The following DPYSL2 variants were observed in gnomAD, a reference collection of about 807,000 sequenced individuals.
DPYSL2 encodes dihydropyrimidinase like 2, also known as dihydropyrimidinase-related protein 2.
In DPYSL2, 13 loss-of-function variants were observed where a neutral mutation model predicts 69.9. The observed-to-expected ratio is 0.19, with a 90% confidence interval of 0.12 to 0.30. The LOEUF (loss-of-function observed/expected upper bound fraction) is 0.30, where lower values mean the gene tolerates loss of function less well. Ranked by LOEUF, DPYSL2 falls within the 10% of genes least tolerant of loss-of-function variation. The pLI is 1.00. For missense variants in DPYSL2, 587 were observed against 918.9 expected, an observed-to-expected ratio of 0.64 and a Z score of 4.67; for synonymous variants, 326 against 359.1, an observed-to-expected ratio of 0.91 and a Z score of 1.04.
rs1802448556 is a variant in DPYSL2, at chr8:26,620,155, T to C, written c.629-3988T>C. 1 of 152,072 alleles carries C rather than the reference T, an allele frequency of 6.6e-6. No homozygotes were observed. The highest frequency in any genetic ancestry group is 2.4e-5 in the African/African-American group (1 of 41,332). The allele number at this position is 152,072 out of a possible 1,614,324, so 9.4% of individuals were successfully genotyped here. ...ATGTTCTAAATCTAGATTGTGGTGA[T>C]GGTTGTAAGGCTTTAGATGGCTTGC... On this transcript the variant is annotated intron_variant, in intron 3 of 13. Coordinates refer to ENST00000521913, the MANE Select transcript of DPYSL2 (RefSeq NM_001197293.3). The surrounding 1 kb of genome is among the most constrained non-coding windows in gnomAD (Gnocchi z 4.5).
At chr8:26,574,354 C>T (rs1801290631) in intron 1 of DPYSL2, among the ~76,000 whole-genome samples, 2 of 152,198 alleles carry the variant, frequency 1.3e-5, no homozygotes, top group Non-Finnish European at 1.5e-5. Context: ...GTTGAAGCTG[C>T]GGAAAAGACA....
rs1252130867 is a variant in DPYSL2 at position 26,565,786 on chromosome 8, G to C, written c.355-16183G>C. Among the ~76,000 whole-genome samples the C allele has an allele frequency of 6.6e-6, 1 of 152,168 alleles. No individual in the cohort carries two copies. Among genetic ancestry groups the C allele is most frequent in the Non-Finnish European group, 1.5e-5 (1 of 68,034 alleles). ...GAAAGGTACAGGGTCCCCGCTCCAT[G>C]CAATTAACTGGAAAGTCAAACTGCT... On this transcript the variant is annotated intron_variant, in intron 1 of 13. Transcript: ENST00000521913. The surrounding 1 kb of genome is among the most constrained non-coding windows in gnomAD (Gnocchi z 4.1).
Position 26,656,927 on chromosome 8 carries a change from A to C in DPYSL2, c.*1221A>C, listed in dbSNP as rs1203291818. On this transcript the variant is annotated 3_prime_UTR_variant, in exon 14 of 14. Coordinates refer to ENST00000521913, the MANE Select transcript of DPYSL2 (RefSeq NM_001197293.3). ...CCTAAACACCGAGCCTCATTAACCC[A>C]AGTGAACCAACCAAAGTCACCAGTT... 1 of 152,362 alleles carries C rather than the reference A, an allele frequency of 6.6e-6. No homozygotes were observed. Among genetic ancestry groups the C allele is most frequent in the Non-Finnish European group, 1.5e-5 (1 of 68,054 alleles). The allele number at this position is 152,362 out of a possible 1,614,324, so 9.4% of individuals were successfully genotyped here. A position where few individuals can be genotyped will look rare whatever the true frequency, so the allele number is the denominator to read the frequency against.
At position 26,580,636 on chromosome 8, in the gene DPYSL2, G is replaced by A. The variant is rs1355827675; in HGVS notation, c.355-1333G>A. 6.6e-6 allele frequency among the ~76,000 whole-genome samples: 1 copy of A among 152,176 alleles called. No individual in the cohort carries two copies. Among genetic ancestry groups the A allele is most frequent in the African/African-American group, 2.4e-5 (1 of 41,438 alleles). Reference sequence around the variant, plus strand: ...TATCTTTTTTCCTTGCTCTCTAGTAGCTTATCTCTTTTTTAAAGATTTTCT... The same window carrying A: ...TATCTTTTTTCCTTGCTCTCTAGTAACTTATCTCTTTTTTAAAGATTTTCT... On this transcript the variant is annotated intron_variant, in intron 1 of 13. Coordinates refer to ENST00000521913, the MANE Select transcript of DPYSL2 (RefSeq NM_001197293.3). The surrounding 1 kb of genome is among the most constrained non-coding windows in gnomAD (Gnocchi z 4.1).
chr8:26,643,479 A>T lies in DPYSL2; in HGVS notation c.1167A>T (p.Gly389=), dbSNP rs958407363. The T allele has an allele frequency of 1.9e-6, 3 of 1,610,130 alleles. No individual in the cohort carries two copies. Among genetic ancestry groups the T allele is most frequent in the Non-Finnish European group, 2.5e-6 (3 of 1,178,018 alleles). The part of the protein sequence containing the change: ...VYGEPITASL[G]TDGSHYWSKN... ...GCGAGCCCATCACTGCCAGCTTGGG[A>T]ACGGACGGCTCCCATTACTGGAGCA... Residue 389 remains glycine, a synonymous_variant, in exon 9 of 14, where the codon GGA becomes GGT. Coordinates refer to ENST00000521913, the MANE Select transcript of DPYSL2 (RefSeq NM_001197293.3). This position sits in a 1 kb window ranked among gnomAD's most constrained non-coding sequence, Gnocchi z 6.5.
chr8:26,592,566 C>A, intron 3 of DPYSL2, among the ~76,000 whole-genome samples: 1 of 151,766 alleles, frequency 6.6e-6, no homozygotes, highest in East Asian at 1.9e-4. Context: ...ACCTCCACCT[C>A]CCAGGTACAA....
intron 1 of DPYSL2, chr8:26,548,328 G>A: frequency 4.1e-6 from 1 of 242,210 alleles, no homozygotes; most frequent in Non-Finnish European, 8.1e-6. Flanking sequence ...TTTCTATGCT[G>A]AGCTTTATCA....
Position 26,654,362 on chromosome 8 carries a change from T to C in DPYSL2, c.1942+965T>C, listed in dbSNP as rs148270601. 1.6e-4 allele frequency among the ~76,000 whole-genome samples: 25 copies of C among 152,294 alleles called. No individual in the cohort carries two copies. The East Asian group carries it at 4.2e-3, about 26-fold the overall frequency. Reference sequence around the variant, plus strand: ...TTGTCCCATGACTAGAACATTCCACTCTTCCAGCTCCCTGGGCCACAGATT... The same window carrying C: ...TTGTCCCATGACTAGAACATTCCACCCTTCCAGCTCCCTGGGCCACAGATT... On this transcript the variant is annotated intron_variant, in intron 13 of 13. Coordinates refer to ENST00000521913, the MANE Select transcript of DPYSL2 (RefSeq NM_001197293.3). The surrounding 1 kb of genome is among the most constrained non-coding windows in gnomAD (Gnocchi z 5.0).
chr8:26,591,736 G>A lies in DPYSL2; in HGVS notation c.628+7753G>A, dbSNP rs1468754300. ...GGCAGGTGGGCTGTGGGGGAGTCCA[G>A]ATCCTCTCCGCTTTCTCTTTGTCAT... On this transcript the variant is annotated intron_variant, in intron 3 of 13. Coordinates refer to ENST00000521913, the MANE Select transcript of DPYSL2 (RefSeq NM_001197293.3). The surrounding 1 kb of genome is among the most constrained non-coding windows in gnomAD (Gnocchi z 5.8). 6.6e-6 allele frequency among the ~76,000 whole-genome samples: 1 copy of A among 152,206 alleles called. No homozygotes were observed. The highest frequency in any genetic ancestry group is 1.5e-5 in the Non-Finnish European group (1 of 68,038).
rs17055462 is a variant in DPYSL2 at position 26,564,381 on chromosome 8, G to T, written c.355-17588G>T. Reference sequence around the variant, plus strand: ...AGGGCCAGGGAGATGGGAACGGCTGGAGGAGTTTTCCAAGCTCAAGGGACT... The same window carrying T: ...AGGGCCAGGGAGATGGGAACGGCTGTAGGAGTTTTCCAAGCTCAAGGGACT... On this transcript the variant is annotated intron_variant, in intron 1 of 13. Transcript: ENST00000521913. The surrounding 1 kb of genome is among the most constrained non-coding windows in gnomAD (Gnocchi z 4.8). Among the ~76,000 whole-genome samples the T allele has an allele frequency of 0.013, 1,974 of 152,280 alleles. 21 individuals are homozygous for T. The highest frequency in any genetic ancestry group is 0.075 in the Middle Eastern group (22 of 294).
rs1387249772 is a variant in DPYSL2, at chr8:26,587,349, C to T, written c.628+3366C>T. 2.6e-5 allele frequency among the ~76,000 whole-genome samples: 4 copies of T among 152,168 alleles called. No individual in the cohort carries two copies. Among genetic ancestry groups the T allele is most frequent in the African/African-American group, 9.7e-5 (4 of 41,444 alleles). On this transcript the variant is annotated intron_variant, in intron 3 of 13. Transcript: ENST00000521913. This position sits in a 1 kb window ranked among gnomAD's most constrained non-coding sequence, Gnocchi z 4.2. ...GGTACAAAAATCTCCCTCTTCCTCC[C>T]AACTCCCCGCCACCCCGCCCCTGGG...
intron 3 of DPYSL2, among the ~76,000 whole-genome samples, chr8:26,608,833 A>T (rs1585542961): frequency 6.6e-6 from 1 of 152,190 alleles, no homozygotes; most frequent in African/African-American, 2.4e-5. Flanking sequence ...ACACCCATCA[A>T]ATTATGTTGG....
chr8:26,527,357 A>T (rs1001182088), intron 1 of DPYSL2, among the ~76,000 whole-genome samples: 14 of 152,126 alleles, frequency 9.2e-5, no homozygotes, highest in Admixed American at 7.9e-4. Flanking sequence ...TTTCCTGAAA[A>T]TTTTTTTAAG....
In DPYSL2 at chr8:26,514,312, C is replaced by G; in HGVS notation, c.-14C>G. On this transcript the variant is annotated 5_prime_UTR_variant, in exon 1 of 14. Coordinates refer to ENST00000521913, the MANE Select transcript of DPYSL2 (RefSeq NM_001197293.3). This position sits in a 1 kb window ranked among gnomAD's most constrained non-coding sequence, Gnocchi z 8.4. ...ACGGACGGACGGCGAGGACCCTACC[C>G]GAGCCCCCGAGCCATGGCCGAGAGA... 1 of 1,439,438 alleles carries G rather than the reference C, an allele frequency of 6.9e-7. No individual in the cohort carries two copies. Among genetic ancestry groups the G allele is most frequent in the Non-Finnish European group, 9.1e-7 (1 of 1,098,188 alleles). The allele number at this position is 1,439,438 out of a possible 1,614,324, so 89.2% of individuals were successfully genotyped here. A position where few individuals can be genotyped will look rare whatever the true frequency, so the allele number is the denominator to read the frequency against.
intron 1 of DPYSL2, among the ~76,000 whole-genome samples, chr8:26,555,516 A>G (rs1163308349): frequency 1.3e-5 from 2 of 152,206 alleles, no homozygotes; most frequent in East Asian, 1.9e-4. Context: ...CACCAAAAAA[A>G]TTAGATATAA....
chr8:26,524,128 T>G (rs1335560565), intron 1 of DPYSL2, among the ~76,000 whole-genome samples: 1 of 152,224 alleles, frequency 6.6e-6, no homozygotes, highest in Non-Finnish European at 1.5e-5. Flanking sequence ...CATTTGACAT[T>G]CCCAACAACA....
At chr8:26,569,304 T>C (rs981835188) in intron 1 of DPYSL2, among the ~76,000 whole-genome samples, 1 of 144,670 alleles carries the variant, frequency 6.9e-6, no homozygotes, top group African/African-American at 2.6e-5. Flanking sequence ...CAGTGAGCTA[T>C]GCTCATGCCA....
intron 1 of DPYSL2, among the ~76,000 whole-genome samples, chr8:26,554,958 G>T (rs748243423): frequency 6.6e-6 from 1 of 152,102 alleles, no homozygotes; most frequent in African/African-American, 2.4e-5. Flanking sequence ...TACAAGAGTG[G>T]TTCAACATTC....
At chr8:26,595,451 G>A (rs1301430235) in intron 3 of DPYSL2, among the ~76,000 whole-genome samples, 1 of 152,054 alleles carries the variant, frequency 6.6e-6, no homozygotes, top group African/African-American at 2.4e-5. Context: ...TGAATTTTCA[G>A]CCTTTTTTGG....
Sources: gnomAD v4.1 joint callset for allele counts (sites outside exome capture counted in the v4.1 genomes callset) on GRCh38, gnomAD v4.1.1 for gene constraint, Gnocchi (gnomAD v3.1) non-coding constraint, MANE v1.5 for transcripts, NCBI Gene and HGNC (gene_info 2026-07-23, HGNC 2026-07-21) for gene names.